The following POFUT3 variants were observed in gnomAD, a reference collection of about 807,000 sequenced individuals.
POFUT3 encodes protein O-fucosyltransferase 3.
the POFUT3 span, among the ~76,000 whole-genome samples, chr8:33,361,750 A>C: frequency 6.6e-6 from 1 of 152,210 alleles, no homozygotes; most frequent in Non-Finnish European, 1.5e-5. Context: ...TATTCTGAGT[A>C]ATGCAAAATA....
At chr8:33,407,102 G>A in the POFUT3 span, among the ~76,000 whole-genome samples, 2 of 152,116 alleles carry the variant, frequency 1.3e-5, no homozygotes, top group African/African-American at 4.8e-5. Context: ...CTTATAAGAG[G>A]ATGATATTTC....
chr8:33,383,757 C>G, the POFUT3 span, among the ~76,000 whole-genome samples: 1 of 151,000 alleles, frequency 6.6e-6, no homozygotes, highest in Non-Finnish European at 1.5e-5. Context: ...CGAAATTGCA[C>G]CACTGCACTC....
chr8:33,383,168 C>T, the POFUT3 span, among the ~76,000 whole-genome samples: 204 of 152,196 alleles, frequency 1.3e-3, 2 homozygotes, highest in African/African-American at 4.8e-3. Flanking sequence ...AACATCATCG[C>T]ATTGCCCTCC....
chr8:33,379,903 A>G, the POFUT3 span, among the ~76,000 whole-genome samples: 1 of 120,238 alleles, frequency 8.3e-6, no homozygotes, highest in South Asian at 2.3e-4. Flanking sequence ...CATATACACT[A>G]TATATATGCT....
the POFUT3 span, among the ~76,000 whole-genome samples, chr8:33,321,193 G>C: frequency 6.6e-6 from 1 of 152,062 alleles, no homozygotes; most frequent in South Asian, 2.1e-4. Flanking sequence ...CGAGGTGCAA[G>C]TTCTCAAGTG....
At chr8:33,424,029 C>A in the POFUT3 span, among the ~76,000 whole-genome samples, 1 of 151,812 alleles carries the variant, frequency 6.6e-6, no homozygotes, top group Non-Finnish European at 1.5e-5. Flanking sequence ...ATCCCAGCTA[C>A]TCAGGAGACT....
chr8:33,342,732 A>G, the POFUT3 span, among the ~76,000 whole-genome samples: 2 of 152,212 alleles, frequency 1.3e-5, no homozygotes. Flanking sequence ...CAGCCAAGCT[A>G]AAAACCATTT....
chr8:33,434,245 A>T, the POFUT3 span, among the ~76,000 whole-genome samples: 2 of 152,350 alleles, frequency 1.3e-5, no homozygotes, highest in African/African-American at 4.8e-5. Flanking sequence ...TGGGCAGCAG[A>T]GCAACACTCC....
the POFUT3 span, among the ~76,000 whole-genome samples, chr8:33,400,511 G>T: frequency 2.0e-5 from 3 of 151,740 alleles, no homozygotes; most frequent in Non-Finnish European, 2.9e-5. Flanking sequence ...GTGGATAGAC[G>T]GATGAAGGAA....
chr8:33,427,635 GA>G, the POFUT3 span, among the ~76,000 whole-genome samples: 4 of 151,820 alleles, frequency 2.6e-5, no homozygotes, highest in Admixed American at 1.3e-4. Flanking sequence ...TAATTACAAA[GA>G]AAAAAAATTG....
At chr8:33,385,509 G>A in the POFUT3 span, among the ~76,000 whole-genome samples, 1 of 152,160 alleles carries the variant, frequency 6.6e-6, no homozygotes, top group Non-Finnish European at 1.5e-5. Flanking sequence ...GAGGGGCAAG[G>A]CAACCACAGG....
At chr8:33,404,337 C>CAAAAAAAA in the POFUT3 span, among the ~76,000 whole-genome samples, 1 of 110,936 alleles carries the variant, frequency 9.0e-6, no homozygotes, top group African/African-American at 3.4e-5. Flanking sequence ...GGCTCTGTCT[C>CAAAAAAAA]AAAAAAAAAA....
the POFUT3 span, among the ~76,000 whole-genome samples, chr8:33,383,128 C>T: frequency 6.6e-6 from 1 of 152,062 alleles, no homozygotes; most frequent in South Asian, 2.1e-4. Flanking sequence ...GAGGATGAAC[C>T]AATCACTCCC....
At chr8:33,319,106 T>A in the POFUT3 span, among the ~76,000 whole-genome samples, 1 of 85,278 alleles carries the variant, frequency 1.2e-5, no homozygotes, top group Non-Finnish European at 1.9e-5. Context: ...TACATATATT[T>A]ATATAATATA....
At chr8:33,382,395 T>G in the POFUT3 span, among the ~76,000 whole-genome samples, 14 of 1,540 alleles carry the variant, frequency 9.1e-3, 1 homozygote, top group East Asian at 0.25. Context: ...GCAAGGTGGT[T>G]TTTTTTTTTA....
At chr8:33,374,891 T>TG in the POFUT3 span, among the ~76,000 whole-genome samples, 1 of 150,998 alleles carries the variant, frequency 6.6e-6, no homozygotes, top group African/African-American at 2.4e-5. Context: ...TTTTTTTTTT[T>TG]GAGACAGAAT....
chr8:33,390,824 T>C, the POFUT3 span, among the ~76,000 whole-genome samples: 7 of 152,296 alleles, frequency 4.6e-5, no homozygotes, highest in Middle Eastern at 3.4e-3. Flanking sequence ...ACGGGATTAA[T>C]TGAAAAACCT....
At chr8:33,366,979 C>T in the POFUT3 span, among the ~76,000 whole-genome samples, 3 of 152,128 alleles carry the variant, frequency 2.0e-5, no homozygotes, top group African/African-American at 7.2e-5. Context: ...CATGGTGGCT[C>T]ATGCCTGTAA....
chr8:33,469,406 A>T, the POFUT3 span, among the ~76,000 whole-genome samples: 1 of 152,232 alleles, frequency 6.6e-6, no homozygotes, highest in Non-Finnish European at 1.5e-5. Context: ...TTATTTTTAT[A>T]TAAAGCATGC....
Sources: allele counts gnomAD v4.1 joint callset (sites outside exome capture counted in the v4.1 genomes callset), GRCh38; gene constraint gnomAD v4.1.1; transcripts MANE v1.5; gene names NCBI Gene and HGNC (gene_info 2026-07-23, HGNC 2026-07-21).